The following TMEM74 variants were observed in gnomAD, a reference collection of about 807,000 sequenced individuals.
The protein encoded by TMEM74 is transmembrane protein 74.
Under a neutral mutation model 18.1 loss-of-function variants are expected in TMEM74, and 13 were observed. That is an observed-to-expected ratio of 0.72 (90% CI 0.47 to 1.14). The LOEUF (loss-of-function observed/expected upper bound fraction) is 1.14. TMEM74 is among the 50% of genes most tolerant of loss of function. The pLI, the probability that TMEM74 is intolerant of heterozygous loss-of-function variation, is 0.00. For synonymous variants in TMEM74, 159 were observed against 146.6 expected (o/e 1.08, Z -0.61); for missense variants, 372 against 375.9 (o/e 0.99, Z 0.09).
chr8:108,763,951 A>G (rs1025645482), intron 1 of TMEM74, among the ~76,000 whole-genome samples: 2 of 152,208 alleles, frequency 1.3e-5, no homozygotes, highest in Non-Finnish European at 2.9e-5. Context: ...TAAAAGAGTT[A>G]GTGAAAAGCC....
At chr8:108,688,425 C>G (rs1292138768) in intron 1 of TMEM74, among the ~76,000 whole-genome samples, 1 of 152,174 alleles carries the variant, frequency 6.6e-6, no homozygotes, top group Non-Finnish European at 1.5e-5. Context: ...CTAAAGTTTC[C>G]CAATCATACT....
intron 1 of TMEM74, among the ~76,000 whole-genome samples, chr8:108,672,275 C>T (rs562908340): frequency 4.6e-5 from 7 of 152,280 alleles, no homozygotes; most frequent in African/African-American, 1.7e-4. Context: ...TTGTTCCTAA[C>T]AGTAGGGGAT....
At chr8:108,764,355 A>G (rs1814077994) in intron 1 of TMEM74, among the ~76,000 whole-genome samples, 1 of 152,168 alleles carries the variant, frequency 6.6e-6, no homozygotes, top group African/African-American at 2.4e-5. Flanking sequence ...ACAAACAAAA[A>G]CCTCAAACAT....
At position 108,632,100 on chromosome 8, in the gene TMEM74, A is replaced by T. The variant is rs150459454; in HGVS notation, n.264+23193T>A. On this transcript the variant is annotated intron_variant and non_coding_transcript_variant, in intron 2 of 3. Coordinates refer to the TMEM74 transcript ENST00000518838. ...TTAATAGTTACAGAATAACTCAGTG[A>T]TGCTATAAGAATGCACAGGAAGGAC... is the stretch of plus-strand genomic sequence containing the variant. Among the ~76,000 whole-genome samples the T allele has an allele frequency of 1.3e-3, 198 of 152,114 alleles. 2 individuals carry two copies. The highest frequency in any genetic ancestry group is 1.3e-3 in the Non-Finnish European group (91 of 67,950).
intron 2 of TMEM74, among the ~76,000 whole-genome samples, chr8:108,632,062 G>A (rs1158459351): frequency 1.3e-5 from 2 of 151,942 alleles, no homozygotes; most frequent in East Asian, 1.9e-4. Context: ...TGAACAGAAG[G>A]CCACAGTAGA....
chr8:108,665,251 T>G (rs78045838), intron 1 of TMEM74, among the ~76,000 whole-genome samples: 5,246 of 152,260 alleles, frequency 0.034, 303 homozygotes, highest in African/African-American at 0.12. Context: ...TGAATTATTA[T>G]ATAACAGACA....
chr8:108,734,395 T>G (rs1813725075), intron 1 of TMEM74, among the ~76,000 whole-genome samples: 1 of 152,164 alleles, frequency 6.6e-6, no homozygotes, highest in Admixed American at 6.5e-5. Context: ...CCAATTAACC[T>G]AATAAACCCC....
chr8:108,665,514 C>A (rs1812941444), intron 1 of TMEM74, among the ~76,000 whole-genome samples: 2 of 152,046 alleles, frequency 1.3e-5, no homozygotes, highest in South Asian at 4.1e-4. Context: ...TTTCTGAGTA[C>A]ATAAATAGCC....
At chr8:108,740,313 A>G (rs1242285022) in intron 1 of TMEM74, among the ~76,000 whole-genome samples, 1 of 152,148 alleles carries the variant, frequency 6.6e-6, no homozygotes, top group Non-Finnish European at 1.5e-5. Context: ...TATAAAGTAT[A>G]TGAGACACCC....
At position 108,756,600 on chromosome 8, in the gene TMEM74, A is replaced by AAGAAAGAAAGAGAAAGGG. The variant is rs1190452309; in HGVS notation, n.119+30875_119+30876insCCCTTTCTCTTTCTTTCT. On this transcript the variant is annotated intron_variant and non_coding_transcript_variant, in intron 1 of 3. Coordinates refer to the TMEM74 transcript ENST00000518838. ...AGAAAGAAAGAAAGAAAGAAAGAGA[A>AAGAAAGAAAGAGAAAGGG]AGGAAGGAAGGAAGGAAGGAAGGAA... 3.2e-3 allele frequency among the ~76,000 whole-genome samples: 132 copies of AAGAAAGAAAGAGAAAGGG among 40,716 alleles called. 2 individuals carry two copies. The highest frequency in any genetic ancestry group is 3.8e-3 in the Non-Finnish European group (86 of 22,616). 26.7% of individuals were successfully genotyped at this position (40,716 alleles called of 152,430 possible).
intron 2 of TMEM74, among the ~76,000 whole-genome samples, chr8:108,636,570 TA>T (rs140941852): frequency 6.6e-6 from 1 of 152,032 alleles, no homozygotes; most frequent in Non-Finnish European, 1.5e-5. Flanking sequence ...CCCAAAGATC[TA>T]AAAACTAAGG....
chr8:108,765,995 G>T (rs1008339141), intron 1 of TMEM74, among the ~76,000 whole-genome samples: 47 of 152,082 alleles, frequency 3.1e-4, no homozygotes, highest in African/African-American at 1.1e-3. Flanking sequence ...AAGTATATCG[G>T]CAGATTATTT....
intron 1 of TMEM74, among the ~76,000 whole-genome samples, chr8:108,696,520 A>T (rs933707657): frequency 1.3e-5 from 2 of 152,228 alleles, no homozygotes; most frequent in Non-Finnish European, 2.9e-5. Flanking sequence ...TAGCAAATTG[A>T]AACACCATGG....
chr8:108,660,442 T>A (rs1812888179), intron 1 of TMEM74, among the ~76,000 whole-genome samples: 1 of 152,192 alleles, frequency 6.6e-6, no homozygotes. Flanking sequence ...CTGGGCTAGA[T>A]GCCAAGTCTT....
rs1339483782 is a variant in TMEM74 at position 108,745,623 on chromosome 8, A to G, written n.119+41853T>C. On this transcript the variant is annotated intron_variant and non_coding_transcript_variant, in intron 1 of 3. Transcript: ENST00000518838. ...AGTAGTTGCTAAGTTGTGTAAAATC[A>G]TAGTGGAATATCTAAGGTCCATTTT... is the stretch of plus-strand genomic sequence containing the variant. 2.0e-5 allele frequency among the ~76,000 whole-genome samples: 3 copies of G among 152,136 alleles called. No homozygotes were observed. The East Asian group carries it at 5.8e-4, about 29-fold the overall frequency.
chr8:108,729,337 T>C (rs1586275891), intron 1 of TMEM74, among the ~76,000 whole-genome samples: 2 of 152,230 alleles, frequency 1.3e-5, no homozygotes, highest in Non-Finnish European at 1.5e-5. Context: ...GTCCCTCTTA[T>C]ACTTTGAATC....
intron 2 of TMEM74, among the ~76,000 whole-genome samples, chr8:108,637,901 A>G (rs533737309): frequency 6.6e-6 from 1 of 152,328 alleles, no homozygotes; most frequent in Non-Finnish European, 1.5e-5. Flanking sequence ...TACCGCTTGT[A>G]TATTTCTGGG....
intron 1 of TMEM74, among the ~76,000 whole-genome samples, chr8:108,768,335 G>A (rs932387107): frequency 3.3e-5 from 5 of 151,664 alleles, no homozygotes; most frequent in Admixed American, 2.0e-4. Context: ...TTCTCTCTTC[G>A]ACATCCTAAT....
intron 1 of TMEM74, among the ~76,000 whole-genome samples, chr8:108,687,495 T>C (rs1813182932): frequency 6.6e-6 from 1 of 152,106 alleles, no homozygotes; most frequent in South Asian, 2.1e-4. Flanking sequence ...TTCGGGATGA[T>C]TCAAGCACAT....
Sources: gnomAD v4.1 joint callset for allele counts (sites outside exome capture counted in the v4.1 genomes callset) on GRCh38, gnomAD v4.1.1 for gene constraint, MANE v1.5 for transcripts, NCBI Gene and HGNC (gene_info 2026-07-23, HGNC 2026-07-21) for gene names.